NCOA2: variants seen among roughly 807,000 people sequenced by gnomAD.
NCOA2 encodes class E basic helix-loop-helix protein 75.
In NCOA2, 21 loss-of-function variants were observed where a neutral mutation model predicts 145.1. That is an observed-to-expected ratio of 0.14 (90% CI 0.10 to 0.21). The LOEUF is 0.21. NCOA2 is among the 10% of genes least tolerant of loss of function. The probability of loss-of-function intolerance (pLI) is 1.00; values close to 1 mark genes in which losing one functional copy is unlikely to be tolerated. For synonymous variants in NCOA2, 619 were observed against 637.5 expected (o/e 0.97, Z 0.44); for missense variants, 1,472 against 1,837.6 (o/e 0.80, Z 3.64).
chr8:70,203,439 T>C (rs925361738), intron 4 of NCOA2, among the ~76,000 whole-genome samples: 67 of 151,948 alleles, frequency 4.4e-4, no homozygotes, highest in African/African-American at 1.6e-3. Context: ...TGATTTGTTT[T>C]TAAAAAAACA....
At chr8:70,431,901 A>G in the NCOA2 span, among the ~76,000 whole-genome samples, 1 of 152,214 alleles carries the variant, frequency 6.6e-6, no homozygotes, top group Non-Finnish European at 1.5e-5. Context: ...AAAGATACAG[A>G]CGTATTTTCA....
intron 2 of NCOA2, among the ~76,000 whole-genome samples, chr8:70,252,896 G>C (rs1823323135): frequency 6.6e-6 from 1 of 152,188 alleles, no homozygotes; most frequent in Non-Finnish European, 1.5e-5. Flanking sequence ...TGTGACAAAA[G>C]GTGCTAGGGA....
At chr8:70,213,051 C>G (rs1242591133) in intron 4 of NCOA2, among the ~76,000 whole-genome samples, 1 of 150,578 alleles carries the variant, frequency 6.6e-6, no homozygotes, top group Non-Finnish European at 1.5e-5. Context: ...CACCACTGCA[C>G]CCCAGCCTGG....
intron 16 of NCOA2, among the ~76,000 whole-genome samples, chr8:70,130,915 C>T (rs1165469825): frequency 2.0e-5 from 3 of 152,184 alleles, no homozygotes; most frequent in Non-Finnish European, 2.9e-5. Context: ...GCAGTCAGTT[C>T]AGATAGTGTT....
At chr8:70,178,175 G>A (rs1563574600) in intron 4 of NCOA2, among the ~76,000 whole-genome samples, 2 of 152,304 alleles carry the variant, frequency 1.3e-5, no homozygotes, top group South Asian at 2.1e-4. Context: ...AATGTGCTCA[G>A]GCAAAGAATT....
chr8:70,365,101 G>A (rs1037432452), intron 1 of NCOA2, among the ~76,000 whole-genome samples: 1 of 152,198 alleles, frequency 6.6e-6, no homozygotes, highest in Admixed American at 6.5e-5. Flanking sequence ...GGGAGGCCAA[G>A]GAGGGTGCAT....
chr8:70,126,323 GAAT>G (rs1427943615), intron 19 of NCOA2, among the ~76,000 whole-genome samples: 1 of 152,094 alleles, frequency 6.6e-6, no homozygotes, highest in Non-Finnish European at 1.5e-5. Context: ...TACTTCTCAA[GAAT>G]TACCTATTCA....
chr8:70,232,276 T>C (rs187624423), intron 2 of NCOA2, among the ~76,000 whole-genome samples: 8 of 152,254 alleles, frequency 5.3e-5, no homozygotes, highest in African/African-American at 1.9e-4. Flanking sequence ...TCTCATAGAA[T>C]TCTTTCTGCA....
chr8:70,293,914 A>T (rs1221391185), intron 2 of NCOA2, among the ~76,000 whole-genome samples: 2 of 152,120 alleles, frequency 1.3e-5, no homozygotes, highest in Non-Finnish European at 2.9e-5. Context: ...CATATACTCA[A>T]ATCTGGAATT....
chr8:70,316,325 GT>G (rs1256433926), intron 1 of NCOA2, among the ~76,000 whole-genome samples: 3 of 152,180 alleles, frequency 2.0e-5, no homozygotes, highest in Non-Finnish European at 2.9e-5. Flanking sequence ...AAGGCACTAT[GT>G]TTTTACCAAG....
chr8:70,288,971 T>C (rs1399562058), intron 2 of NCOA2, among the ~76,000 whole-genome samples: 1 of 152,192 alleles, frequency 6.6e-6, no homozygotes, highest in Non-Finnish European at 1.5e-5. Flanking sequence ...TTCTACTCAG[T>C]TAATAAAATA....
intron 1 of NCOA2, among the ~76,000 whole-genome samples, chr8:70,335,848 A>G (rs1057028407): frequency 6.6e-6 from 1 of 152,224 alleles, no homozygotes; most frequent in Non-Finnish European, 1.5e-5. Flanking sequence ...TATTGCTTCC[A>G]GACCACAAAC....
chr8:70,205,398 G>C (rs1301836504), intron 4 of NCOA2, among the ~76,000 whole-genome samples: 11 of 152,096 alleles, frequency 7.2e-5, no homozygotes, highest in Non-Finnish European at 1.5e-4. Context: ...TGGGCTTTGG[G>C]TATACGTACT....
intron 1 of NCOA2, among the ~76,000 whole-genome samples, chr8:70,307,649 C>A (rs928947163): frequency 2.0e-5 from 3 of 152,136 alleles, no homozygotes; most frequent in Admixed American, 2.0e-4. Flanking sequence ...TCTTTGAAGT[C>A]AAATCTTGAG....
intron 2 of NCOA2, among the ~76,000 whole-genome samples, chr8:70,220,691 T>A (rs948814897): frequency 1.3e-5 from 2 of 152,218 alleles, no homozygotes; most frequent in African/African-American, 4.8e-5. Context: ...TTCATGGAAT[T>A]CACCAATATA....
At chr8:70,292,074 C>CAAA (rs371226539) in intron 2 of NCOA2, among the ~76,000 whole-genome samples, 49 of 94,120 alleles carry the variant, frequency 5.2e-4, no homozygotes, top group Non-Finnish European at 1.0e-3. Flanking sequence ...GACGCCGTCT[C>CAAA]AAAAAAAAAA....
chr8:70,183,940 A>C (rs992097486), intron 4 of NCOA2, among the ~76,000 whole-genome samples: 2 of 152,202 alleles, frequency 1.3e-5, no homozygotes, highest in Admixed American at 6.5e-5. Flanking sequence ...ACAGTTTCAC[A>C]GCTGGAGCTA....
the NCOA2 span, among the ~76,000 whole-genome samples, chr8:70,414,859 G>A: frequency 1.3e-5 from 2 of 151,998 alleles, no homozygotes; most frequent in African/African-American, 4.8e-5. Flanking sequence ...GCCATTCAAG[G>A]ACTTGTTATA....
intron 4 of NCOA2, among the ~76,000 whole-genome samples, chr8:70,177,218 G>A (rs1814963738): frequency 6.6e-6 from 1 of 152,208 alleles, no homozygotes; most frequent in Admixed American, 6.5e-5. Flanking sequence ...ATCAGAATGT[G>A]CAGTGGGAAC....
Sources: gnomAD v4.1 joint callset for allele counts (sites outside exome capture counted in the v4.1 genomes callset) on GRCh38, gnomAD v4.1.1 for gene constraint, MANE v1.5 for transcripts, NCBI Gene and HGNC (gene_info 2026-07-23, HGNC 2026-07-21) for gene names.